KIRREL3: variants seen among roughly 807,000 people sequenced by gnomAD.
KIRREL3 encodes the protein kin of IRRE-like protein 3.
In KIRREL3, 36 loss-of-function variants were observed where a neutral mutation model predicts 89.7. That is an observed-to-expected ratio of 0.40 (90% CI 0.31 to 0.53). The LOEUF is 0.53. Among genes scored for constraint, KIRREL3 ranks in the 20% least tolerant of loss-of-function variants. KIRREL3 has a pLI of 0.49. For synonymous variants in KIRREL3, 445 were observed against 441.4 expected (o/e 1.01, Z -0.10); for missense variants, 864 against 1,056.6 (o/e 0.82, Z 2.53).
chr11:126,912,073 C>G lies in KIRREL3; in HGVS notation c.55+88382G>C, dbSNP rs1946844395. 6.6e-6 allele frequency among the ~76,000 whole-genome samples: 1 copy of G among 151,428 alleles called. No individual in the cohort carries two copies. Among genetic ancestry groups the G allele is most frequent in the Admixed American group, 6.6e-5 (1 of 15,214 alleles). ...TGCAGAGAAGCTGCCAGCCCACATACTCATGGAGAGCCCCAAATCGTCCTT... is the reference window on the plus strand; with the variant it reads ...TGCAGAGAAGCTGCCAGCCCACATAGTCATGGAGAGCCCCAAATCGTCCTT... On this transcript the variant is annotated intron_variant, in intron 1 of 16. Transcript: ENST00000525144. The surrounding 1 kb of genome is among the most constrained non-coding windows in gnomAD (Gnocchi z 4.7).
At chr11:126,711,659 A>T (rs1713764482) in intron 1 of KIRREL3, among the ~76,000 whole-genome samples, 1 of 152,238 alleles carries the variant, frequency 6.6e-6, no homozygotes, top group African/African-American at 2.4e-5. Flanking sequence ...TTAAACAAAA[A>T]AGACTTCTGT....
intron 2 of KIRREL3, among the ~76,000 whole-genome samples, chr11:126,533,394 G>A (rs139217305): frequency 1.3e-5 from 2 of 152,094 alleles, no homozygotes; most frequent in Non-Finnish European, 2.9e-5. Context: ...CACTGCCCTT[G>A]GCCAGTACTG....
In KIRREL3 at chr11:126,990,437, T is replaced by C. The variant is rs1209004762; in HGVS notation, c.55+10018A>G. Among the ~76,000 whole-genome samples, 11 of 150,192 alleles carry C rather than the reference T, an allele frequency of 7.3e-5. No individual in the cohort carries two copies. Among genetic ancestry groups the C allele is most frequent in the Admixed American group, 5.3e-4 (8 of 15,200 alleles). On this transcript the variant is annotated intron_variant, in intron 1 of 16. Transcript: ENST00000525144. The surrounding 1 kb of genome is among the most constrained non-coding windows in gnomAD (Gnocchi z 6.3). ...GGCGAGGAGGAGAGCCCCCCATCCCTCCCGTCCCTTCCCAGCTCCCGGCAG... is the reference window on the plus strand; with the variant it reads ...GGCGAGGAGGAGAGCCCCCCATCCCCCCCGTCCCTTCCCAGCTCCCGGCAG...
intron 1 of KIRREL3, among the ~76,000 whole-genome samples, chr11:126,916,964 T>G (rs1047876588): frequency 2.0e-5 from 3 of 152,216 alleles, no homozygotes. Flanking sequence ...GCGGGGACAG[T>G]TGGTCACCCT....
At chr11:126,749,151 T>A (rs1008034753) in intron 1 of KIRREL3, among the ~76,000 whole-genome samples, 1 of 152,226 alleles carries the variant, frequency 6.6e-6, no homozygotes, top group Admixed American at 6.5e-5. Context: ...TTGACGGCTA[T>A]GGCACCTTGT....
intron 1 of KIRREL3, among the ~76,000 whole-genome samples, chr11:126,618,382 G>A (rs879840776): frequency 1.3e-5 from 2 of 152,174 alleles, no homozygotes; most frequent in South Asian, 2.1e-4. Flanking sequence ...GGAACCAGGA[G>A]CCAATTAAAC....
At chr11:126,759,978 G>A (rs558917497) in intron 1 of KIRREL3, among the ~76,000 whole-genome samples, 8 of 152,130 alleles carry the variant, frequency 5.3e-5, no homozygotes, top group South Asian at 4.2e-4. Flanking sequence ...CAACCCCAGC[G>A]CAACCCCAGG....
At position 126,750,365 on chromosome 11, in the gene KIRREL3, T is replaced by C. The variant is rs1374096841; in HGVS notation, c.56-187453A>G. On this transcript the variant is annotated intron_variant, in intron 1 of 16. Transcript: ENST00000525144. This position sits in a 1 kb window ranked among gnomAD's most constrained non-coding sequence, Gnocchi z 4.2. ...GCACTCTGGTTGTAAATATGTTTGA[T>C]GCTCCTACGTGTGGGTGCTCGAAGC... 6.6e-6 allele frequency among the ~76,000 whole-genome samples: 1 copy of C among 152,220 alleles called. No homozygotes were observed. The highest frequency in any genetic ancestry group is 1.5e-5 in the Non-Finnish European group (1 of 68,042).
rs1279240782 is a variant in KIRREL3 at position 126,521,143 on chromosome 11, C to T, written c.433+172G>A. 6.6e-6 allele frequency among the ~76,000 whole-genome samples: 1 copy of T among 151,914 alleles called. No individual in the cohort carries two copies. The highest frequency in any genetic ancestry group is 1.5e-5 in the Non-Finnish European group (1 of 67,972). On this transcript the variant is annotated intron_variant, in intron 4 of 16. Transcript: ENST00000525144. The surrounding 1 kb of genome is among the most constrained non-coding windows in gnomAD (Gnocchi z 4.1). ...ACTAGGGAAAGAGCCTTCGCTTGTC[C>T]CGTTTGGGTGGGAAGGTGGGCATGG...
At chr11:126,858,521 CT>C (rs1944609250) in intron 1 of KIRREL3, among the ~76,000 whole-genome samples, 1 of 152,144 alleles carries the variant, frequency 6.6e-6, no homozygotes, top group Non-Finnish European at 1.5e-5. Context: ...GTCTCTGTCT[CT>C]TTTTCTCCTC....
In KIRREL3 at chr11:126,508,334, A is replaced by G. The variant is rs2134388299; in HGVS notation, c.433+12981T>C. Reference sequence around the variant, plus strand: ...TTGGAAAAACCTCCTTCACACGGACAGAACAATTTAGAGGCTCAGAGTGAT... The same window carrying G: ...TTGGAAAAACCTCCTTCACACGGACGGAACAATTTAGAGGCTCAGAGTGAT... On this transcript the variant is annotated intron_variant, in intron 4 of 16. Transcript: ENST00000525144. The surrounding 1 kb of genome is among the most constrained non-coding windows in gnomAD (Gnocchi z 4.9). 6.6e-6 allele frequency among the ~76,000 whole-genome samples: 1 copy of G among 152,320 alleles called. No individual in the cohort carries two copies.
intron 1 of KIRREL3, among the ~76,000 whole-genome samples, chr11:126,678,905 G>A (rs1346498692): frequency 1.3e-5 from 2 of 152,194 alleles, no homozygotes; most frequent in African/African-American, 2.4e-5. Flanking sequence ...GGTTGAATTC[G>A]ATTACAATGA....
upstream of KIRREL3, among the ~76,000 whole-genome samples, chr11:127,002,121 T>A (rs565661108): frequency 5.6e-4 from 85 of 152,286 alleles, 1 homozygote; most frequent in South Asian, 9.6e-3. Flanking sequence ...ATGTTAACTT[T>A]AAAAAATTAT....
chr11:126,589,636 G>A (rs1215653936), intron 1 of KIRREL3, among the ~76,000 whole-genome samples: 2 of 152,208 alleles, frequency 1.3e-5, no homozygotes, highest in African/African-American at 4.8e-5. Flanking sequence ...TGGGATAAGT[G>A]CTCCCATGTT....
At position 126,841,729 on chromosome 11, in the gene KIRREL3, C is replaced by CT. The variant is rs368238555; in HGVS notation, c.55+158725dup. Among the ~76,000 whole-genome samples the CT allele has an allele frequency of 1.0e-3, 156 of 152,312 alleles. 1 individual carries two copies. The highest frequency in any genetic ancestry group is 3.2e-3 in the African/African-American group (135 of 41,574). On this transcript the variant is annotated intron_variant, in intron 1 of 16. Coordinates refer to ENST00000525144, the MANE Select transcript of KIRREL3 (RefSeq NM_032531.4). ...TGAGACTTATTAGCTCCTGTGCACC[C>CT]TACAGCGTCATCTTCATCATAGTCA...
rs1946884915 is a variant in KIRREL3 at position 126,912,940 on chromosome 11, AGT to A, written c.55+87513_55+87514del. Among the ~76,000 whole-genome samples, 1 of 152,232 alleles carries A rather than the reference AGT, an allele frequency of 6.6e-6. No individual in the cohort carries two copies. Among genetic ancestry groups the A allele is most frequent in the Non-Finnish European group, 1.5e-5 (1 of 68,034 alleles). On this transcript the variant is annotated intron_variant, in intron 1 of 16. Transcript: ENST00000525144. This position sits in a 1 kb window ranked among gnomAD's most constrained non-coding sequence, Gnocchi z 4.7. ...TGGTGACACCTGGGGTGCACCCATC[AGT>A]CTAAGTAGTCAAGAGAGGAAATGCC...
chr11:126,846,134 T>C (rs1329073952), intron 1 of KIRREL3, among the ~76,000 whole-genome samples: 1 of 152,162 alleles, frequency 6.6e-6, no homozygotes, highest in Non-Finnish European at 1.5e-5. Context: ...AGTAACTAGG[T>C]AGGAAACGTA....
chr11:126,602,791 C>G (rs530759446), intron 1 of KIRREL3, among the ~76,000 whole-genome samples: 1 of 152,144 alleles, frequency 6.6e-6, no homozygotes, highest in Non-Finnish European at 1.5e-5. Context: ...GCTGTTCTGT[C>G]GGGGGCAGTT....
rs1409253587 is a variant in KIRREL3, at chr11:126,904,575, A to C, written c.55+95880T>G. 6.6e-6 allele frequency among the ~76,000 whole-genome samples: 1 copy of C among 152,238 alleles called. No individual in the cohort carries two copies. Among genetic ancestry groups the C allele is most frequent in the Non-Finnish European group, 1.5e-5 (1 of 68,036 alleles). ...TTAGCTCAGCTGCTGATGGCTTCCT[A>C]CTAATGACTTTAAATACATGTTTTT... On this transcript the variant is annotated intron_variant, in intron 1 of 16. Transcript: ENST00000525144. This position sits in a 1 kb window ranked among gnomAD's most constrained non-coding sequence, Gnocchi z 4.4.
Sources: allele counts gnomAD v4.1 joint callset (sites outside exome capture counted in the v4.1 genomes callset), GRCh38; gene constraint gnomAD v4.1.1; non-coding constraint Gnocchi (gnomAD v3.1); transcripts MANE v1.5; gene names NCBI Gene and HGNC (gene_info 2026-07-23, HGNC 2026-07-21).